Variants in KCNH1 observed in about 807,000 individuals in gnomAD.
KCNH1 encodes the protein potassium voltage-gated channel subfamily H member 1.
In KCNH1, 27 loss-of-function variants were observed where a neutral mutation model predicts 69.2. The ratio of observed to expected loss-of-function variants is 0.39; its 90% CI spans 0.29 to 0.54. KCNH1 has a LOEUF of 0.54. Among genes scored for constraint, KCNH1 ranks in the 20% least tolerant of loss-of-function variants. The pLI is 0.68. For synonymous variants in KCNH1, 456 were observed against 487.7 expected, an observed-to-expected ratio of 0.93 and a Z score of 0.86; for missense variants, 798 against 1,261.6, an observed-to-expected ratio of 0.63 and a Z score of 5.57.
At chr1:210,769,127 G>T (rs548513986) in intron 10 of KCNH1, among the ~76,000 whole-genome samples, 205 of 152,294 alleles carry the variant, frequency 1.3e-3, no homozygotes, top group Non-Finnish European at 2.6e-3. Flanking sequence ...GGGCTATGCA[G>T]ATATCATTTT....
chr1:210,961,936 G>C (rs1402609663), intron 6 of KCNH1, among the ~76,000 whole-genome samples: 1 of 152,134 alleles, frequency 6.6e-6, no homozygotes, highest in Non-Finnish European at 1.5e-5. Flanking sequence ...CTAGTTGATG[G>C]GAACTATTTA....
intron 6 of KCNH1, among the ~76,000 whole-genome samples, chr1:210,926,604 C>A (rs538597066): frequency 1.2e-4 from 19 of 152,206 alleles, no homozygotes; most frequent in African/African-American, 4.1e-4. Flanking sequence ...ATATAGTAAA[C>A]CCAAATGAGA....
Position 211,115,701 on chromosome 1 carries a change from C to CTATATATATATATATATATATATA in KCNH1, c.80-8325_80-8324insTATATATATATATATATATATATA, listed in dbSNP as rs201384583. On this transcript the variant is annotated intron_variant, in intron 1 of 10. Coordinates refer to ENST00000271751, the MANE Select transcript of KCNH1 (RefSeq NM_172362.3). ...GTAAGTTAATACTTAATAAACTCCCCTATATATATATATATGTATATATAT... is the reference window on the plus strand; with the variant it reads ...GTAAGTTAATACTTAATAAACTCCCCTATATATATATATATATATATATATATATATATATATATGTATATATAT... Among the ~76,000 whole-genome samples, 22 of 70,710 alleles carry CTATATATATATATATATATATATA rather than the reference C, an allele frequency of 3.1e-4. 1 individual carries two copies. Among genetic ancestry groups the CTATATATATATATATATATATATA allele is most frequent in the Admixed American group, 4.2e-4 (3 of 7,180 alleles). The allele number at this position is 70,710 out of a possible 152,430, so 46.4% of individuals were successfully genotyped here.
At chr1:210,997,079 A>T (rs1294294091) in intron 6 of KCNH1, among the ~76,000 whole-genome samples, 1 of 152,208 alleles carries the variant, frequency 6.6e-6, no homozygotes, top group Non-Finnish European at 1.5e-5. Flanking sequence ...GAGCAGAAAA[A>T]CTGGAAACTC....
At position 210,919,988 on chromosome 1, in the gene KCNH1, T is replaced by G. The variant is rs764314152; in HGVS notation, c.1114A>C (p.Ile372Leu). The change falls in exon 7 of 11, where the codon ATT becomes CTT. Residue 372 changes from isoleucine (I) to leucine (L), a missense_variant. Transcript: ENST00000271751. This position sits in a 1 kb window ranked among gnomAD's most constrained non-coding sequence, Gnocchi z 4.2. ...GRVARKLDHYIEYGAAVLVLL... is the reference protein window; with the variant it reads ...GRVARKLDHYLEYGAAVLVLL... The stretch of plus-strand genomic sequence containing the variant: ...ACCAGCACAGCAGCTCCATATTCAA[T>G]GTAGTGGTCCAGCTTACGGGCCACT... 1 of 1,614,110 alleles carries G rather than the reference T, an allele frequency of 6.2e-7. No homozygotes were observed. Among genetic ancestry groups the G allele is most frequent in the East Asian group, 2.2e-5 (1 of 44,878 alleles).
intron 6 of KCNH1, among the ~76,000 whole-genome samples, chr1:210,935,235 G>C (rs1382322074): frequency 1.3e-5 from 2 of 151,002 alleles, no homozygotes; most frequent in Non-Finnish European, 2.9e-5. Flanking sequence ...GATGAGCCTG[G>C]AACACATCAT....
intron 10 of KCNH1, among the ~76,000 whole-genome samples, chr1:210,718,224 T>C (rs887729876): frequency 1.5e-5 from 2 of 136,166 alleles, no homozygotes; most frequent in African/African-American, 5.8e-5. Context: ...GCATAAAAAA[T>C]TATATATATA....
At chr1:211,029,167 A>C (rs1057202880) in intron 5 of KCNH1, among the ~76,000 whole-genome samples, 4 of 79,120 alleles carry the variant, frequency 5.1e-5, no homozygotes, top group African/African-American at 1.7e-4. Context: ...CCATCTCTAC[A>C]AAAAAAAAAA....
At chr1:211,005,091 A>G (rs1689254347) in intron 6 of KCNH1, among the ~76,000 whole-genome samples, 1 of 152,134 alleles carries the variant, frequency 6.6e-6, no homozygotes, top group Non-Finnish European at 1.5e-5. Flanking sequence ...AAAAAAAGAA[A>G]ACAGCATCAC....
At chr1:210,945,325 G>A (rs1687939033) in intron 6 of KCNH1, among the ~76,000 whole-genome samples, 1 of 152,204 alleles carries the variant, frequency 6.6e-6, no homozygotes, top group African/African-American at 2.4e-5. Flanking sequence ...GGCACTGTAT[G>A]TTATAAACAT....
intron 9 of KCNH1, among the ~76,000 whole-genome samples, chr1:210,780,371 C>T (rs981207527): frequency 3.3e-5 from 5 of 152,140 alleles, no homozygotes; most frequent in African/African-American, 1.2e-4. Flanking sequence ...AAATATAATT[C>T]TAATGTTAAA....
chr1:210,780,605 G>A (rs1683957693), intron 9 of KCNH1, among the ~76,000 whole-genome samples: 1 of 152,098 alleles, frequency 6.6e-6, no homozygotes, highest in Non-Finnish European at 1.5e-5. Flanking sequence ...AAGGGATAAG[G>A]GAAGTCTTCC....
At chr1:210,802,037 G>A (rs189537288) in intron 8 of KCNH1, among the ~76,000 whole-genome samples, 13 of 152,238 alleles carry the variant, frequency 8.5e-5, no homozygotes, top group East Asian at 3.9e-4. Flanking sequence ...AAAATGAATC[G>A]GGCCTCTTGT....
At chr1:211,126,687 CAA>C (rs71571980) in intron 1 of KCNH1, among the ~76,000 whole-genome samples, 11 of 64,914 alleles carry the variant, frequency 1.7e-4, no homozygotes, top group Non-Finnish European at 2.2e-4. Flanking sequence ...TATAATATCT[CAA>C]AAAAAAAAAA....
At chr1:210,724,974 C>A (rs1682553908) in intron 10 of KCNH1, among the ~76,000 whole-genome samples, 1 of 152,140 alleles carries the variant, frequency 6.6e-6, no homozygotes, top group African/African-American at 2.4e-5. Context: ...AATAATTTTC[C>A]CTATTAAAAT....
chr1:211,093,810 T>G (rs899730410), intron 3 of KCNH1, among the ~76,000 whole-genome samples: 3 of 152,170 alleles, frequency 2.0e-5, no homozygotes, highest in Non-Finnish European at 4.4e-5. Flanking sequence ...CTAGGTTGGT[T>G]GGTAATCTGG....
chr1:210,990,460 T>C (rs1688917999), intron 6 of KCNH1, among the ~76,000 whole-genome samples: 2 of 152,098 alleles, frequency 1.3e-5, no homozygotes, highest in South Asian at 4.2e-4. Flanking sequence ...TGCCCAAAGG[T>C]CAAGAAAAGA....
chr1:210,891,924 A>T (rs987155840), intron 7 of KCNH1, among the ~76,000 whole-genome samples: 3 of 152,186 alleles, frequency 2.0e-5, no homozygotes, highest in African/African-American at 7.2e-5. Context: ...GACAGGGATG[A>T]AGCTGGAAAC....
intron 10 of KCNH1, among the ~76,000 whole-genome samples, chr1:210,717,712 A>G (rs1009667862): frequency 3.0e-4 from 45 of 152,370 alleles, no homozygotes; most frequent in African/African-American, 1.0e-3. Context: ...GGAACAGCAG[A>G]TTCCCTTGAG....
Sources: allele counts gnomAD v4.1 joint callset (sites outside exome capture counted in the v4.1 genomes callset), GRCh38; gene constraint gnomAD v4.1.1; non-coding constraint Gnocchi (gnomAD v3.1); transcripts MANE v1.5; gene names NCBI Gene and HGNC (gene_info 2026-07-23, HGNC 2026-07-21).